The following CHD8 variants were observed in gnomAD, a reference collection of about 807,000 sequenced individuals.
CHD8 encodes ATP-dependent chromatin remodeler CHD8.
Under a neutral mutation model 279.2 loss-of-function variants are expected in CHD8, and 31 were observed. The observed-to-expected ratio is 0.11, with a 90% CI of 0.08 to 0.15. The LOEUF is 0.15. Among genes scored for constraint, CHD8 ranks in the 10% least tolerant of loss-of-function variants. CHD8 has a pLI of 1.00. For synonymous variants in CHD8, 1,081 were observed against 1,139.6 expected (o/e 0.95, Z 1.04); for missense variants, 2,146 against 3,230.5 (o/e 0.66, Z 8.14).
chr14:21,435,864 C>T (rs1450094982), intron 1 of CHD8, among the ~76,000 whole-genome samples: 1 of 152,290 alleles, frequency 6.6e-6, no homozygotes, highest in East Asian at 1.9e-4. Context: ...ACATTCCTGG[C>T]TTGGCAGAGT....
chr14:21,404,741 T>C (rs1236058673), intron 16 of CHD8: 7 of 158,522 alleles, frequency 4.4e-5, no homozygotes. Flanking sequence ...CTTCATGCAA[T>C]TCTAAACAGC....
chr14:21,421,444 C>T (rs1226954446), intron 5 of CHD8, among the ~76,000 whole-genome samples: 1 of 151,752 alleles, frequency 6.6e-6, no homozygotes, highest in African/African-American at 2.4e-5. Context: ...ACTATTTCTC[C>T]ACCAATGGAC....
chr14:21,408,969 AT>A lies in CHD8; in HGVS notation c.2365-145del, dbSNP rs1423242665. ...CAAATATATTTAAATTTATGAGTTC[AT>A]AACGTTACTTTATGGGTCCATAATG... On this transcript the variant is annotated intron_variant, in intron 11 of 37. Coordinates refer to ENST00000646647, the MANE Select transcript of CHD8 (RefSeq NM_001170629.2). This position sits in a 1 kb window ranked among gnomAD's most constrained non-coding sequence, Gnocchi z 4.3. 2.2e-6 allele frequency: 2 copies of A among 898,996 alleles called. No individual in the cohort carries two copies. The highest frequency in any genetic ancestry group is 5.3e-5 in the East Asian group (2 of 37,554). 55.7% of individuals were successfully genotyped at this position (898,996 alleles called of 1,614,324 possible). A position where few individuals can be genotyped will look rare whatever the true frequency, so the allele number is the denominator to read the frequency against.
chr14:21,417,041 A>C (rs111713808), intron 5 of CHD8, among the ~76,000 whole-genome samples: 12 of 152,338 alleles, frequency 7.9e-5, no homozygotes, highest in African/African-American at 2.6e-4. Flanking sequence ...TGGAGGTTGC[A>C]GTGAGCAAAC....
In CHD8 at chr14:21,423,033, C is replaced by T. The variant is rs141876303; in HGVS notation, c.1716+3095G>A. Among the ~76,000 whole-genome samples the T allele has an allele frequency of 5.2e-3, 784 of 152,146 alleles. 2 individuals carry two copies. Among genetic ancestry groups the T allele is most frequent in the Middle Eastern group, 0.017 (5 of 294 alleles). On this transcript the variant is annotated intron_variant, in intron 5 of 37. Coordinates refer to ENST00000646647, the MANE Select transcript of CHD8 (RefSeq NM_001170629.2). ...GGTCAGGAGTTTGAGATCAGCCAGGCCAACATGGCGAAACCCTGTCTACTA... is the reference window on the plus strand; with the variant it reads ...GGTCAGGAGTTTGAGATCAGCCAGGTCAACATGGCGAAACCCTGTCTACTA...
chr14:21,442,329 G>T (rs927895595), intron 1 of CHD8, among the ~76,000 whole-genome samples: 1 of 152,142 alleles, frequency 6.6e-6, no homozygotes, highest in African/African-American at 2.4e-5. Flanking sequence ...AGCCAGGCGT[G>T]TGACACAGGC....
At position 21,385,460 on chromosome 14, in the gene CHD8, A is replaced by G. The variant is rs1022172884; in HGVS notation, c.*153T>C. ...ACCCAATCCTCTCATAATTGGGAGC[A>G]ATCAGGTACATTTTTTTTTTTTTTT... On this transcript the variant is annotated 3_prime_UTR_variant, in exon 38 of 38. Transcript: ENST00000646647. 1.6e-6 allele frequency: 2 copies of G among 1,234,084 alleles called. No individual in the cohort carries two copies. Among genetic ancestry groups the G allele is most frequent in the Admixed American group, 2.9e-5 (1 of 34,074 alleles). The allele number at this position is 1,234,084 out of a possible 1,614,324, so 76.4% of individuals were successfully genotyped here. A position where few individuals can be genotyped will look rare whatever the true frequency, so the allele number is the denominator to read the frequency against.
chr14:21,394,431 C>T lies in CHD8; in HGVS notation c.5445G>A (p.Val1815=), dbSNP rs1460578104. 2 of 1,613,096 alleles carry T rather than the reference C, an allele frequency of 1.2e-6. No individual in the cohort carries two copies. The highest frequency in any genetic ancestry group is 2.2e-5 in the East Asian group (1 of 44,860). Residue 1815 remains valine (V), a synonymous_variant, in exon 31 of 38, where the codon GTG becomes GTA. Coordinates refer to ENST00000646647, the MANE Select transcript of CHD8 (RefSeq NM_001170629.2). ...ACTGCATGGTGTCAGGGTCATATTC[C>T]ACACCAAACGTAGACACCACTCGAT... ...DFYRVVSTFG[V]EYDPDTMQFH...
At chr14:21,424,466 C>CTTTTG (rs1401200589) in intron 5 of CHD8, among the ~76,000 whole-genome samples, 1 of 151,338 alleles carries the variant, frequency 6.6e-6, no homozygotes, top group Non-Finnish European at 1.5e-5. Flanking sequence ...CTCGACTATT[C>CTTTTG]TTTTGTTTTG....
intron 34 of CHD8, chr14:21,392,225 C>T (rs771318761): frequency 1.3e-5 from 10 of 753,784 alleles, no homozygotes; most frequent in Admixed American, 1.7e-5. Context: ...CTGGTGTCTC[C>T]GTATTAGCAT....
At chr14:21,439,858 C>T (rs1443909506) in intron 1 of CHD8, among the ~76,000 whole-genome samples, 1 of 152,202 alleles carries the variant, frequency 6.6e-6, no homozygotes, top group Non-Finnish European at 1.5e-5. Flanking sequence ...ATATTGCTGC[C>T]TTCAAATTAT....
chr14:21,402,609 C>T lies in CHD8; in HGVS notation c.3715-106G>A, dbSNP rs1888086845. ...GATTCTTTCACCTCTATAGAGCAGC[C>T]ATGAGATCAACTCAAAACCAAGAGT... On this transcript the variant is annotated intron_variant, in intron 18 of 37. Transcript: ENST00000646647. This position sits in a 1 kb window ranked among gnomAD's most constrained non-coding sequence, Gnocchi z 4.5. 5.5e-6 allele frequency: 6 copies of T among 1,097,420 alleles called. No homozygotes were observed. Among genetic ancestry groups the T allele is most frequent in the Non-Finnish European group, 6.4e-6 (5 of 786,750 alleles). The allele number at this position is 1,097,420 out of a possible 1,614,324, so 68.0% of individuals were successfully genotyped here. A position where few individuals can be genotyped will look rare whatever the true frequency, so the allele number is the denominator to read the frequency against.
In CHD8 at chr14:21,431,959, A is replaced by G. The variant is rs564717314; in HGVS notation, c.-215-101T>C. On this transcript the variant is annotated intron_variant, in intron 1 of 37. Transcript: ENST00000646647. Reference sequence around the variant, plus strand: ...ACTGTTCTTAATATCAAATAGCATGAATATAAGAGGGAAATGTGAGGAAAT... The same window carrying G: ...ACTGTTCTTAATATCAAATAGCATGGATATAAGAGGGAAATGTGAGGAAAT... 28 of 718,780 alleles carry G rather than the reference A, an allele frequency of 3.9e-5. No individual in the cohort carries two copies. In the African/African-American group the frequency reaches 4.4e-4, roughly 11 times the overall value. 44.5% of individuals were successfully genotyped at this position (718,780 alleles called of 1,614,324 possible). A position where few individuals can be genotyped will look rare whatever the true frequency, so the allele number is the denominator to read the frequency against.
intron 1 of CHD8, among the ~76,000 whole-genome samples, chr14:21,441,358 A>G (rs1889955613): frequency 6.6e-6 from 1 of 152,120 alleles, no homozygotes; most frequent in South Asian, 2.1e-4. Context: ...TGCTTAAGTT[A>G]CCCAAAAGAT....
chr14:21,403,719 A>G lies in CHD8; in HGVS notation c.3308-56T>C. ...ATCCAGTGAACCATATTAAGGTTGT[A>G]GTCTATTTAACTAAGAAAGCAAAAG... is the stretch of plus-strand genomic sequence containing the variant. On this transcript the variant is annotated intron_variant, in intron 16 of 37. Coordinates refer to ENST00000646647, the MANE Select transcript of CHD8 (RefSeq NM_001170629.2). This position sits in a 1 kb window ranked among gnomAD's most constrained non-coding sequence, Gnocchi z 4.3. The G allele has an allele frequency of 7.1e-7, 1 of 1,399,038 alleles. No individual in the cohort carries two copies. The highest frequency in any genetic ancestry group is 2.5e-5 in the East Asian group (1 of 40,156). The allele number at this position is 1,399,038 out of a possible 1,614,324, so 86.7% of individuals were successfully genotyped here. A position where few individuals can be genotyped will look rare whatever the true frequency, so the allele number is the denominator to read the frequency against.
At chr14:21,398,142 AAG>A in intron 26 of CHD8, 190 bp from the exon 27 acceptor site, 2 of 439,124 alleles carry the variant, frequency 4.6e-6, no homozygotes, top group Non-Finnish European at 7.7e-6. Context: ...TAGAATCATG[AAG>A]AGTTTTTAAC....
chr14:21,455,234 T>C (rs1286453013), intron 1 of CHD8: 3 of 152,216 alleles, frequency 2.0e-5, no homozygotes, highest in Non-Finnish European at 4.4e-5. Flanking sequence ...ATATACCTTT[T>C]CTGTGAAGAC....
chr14:21,427,807 G>C, intron 4 of CHD8, 62 bp downstream of exon 4: 1 of 1,567,466 alleles, frequency 6.4e-7, no homozygotes, highest in Non-Finnish European at 8.6e-7. Flanking sequence ...CATCCCAATA[G>C]CAAGGAGTAC....
At chr14:21,411,854 G>C (rs747789718) in intron 10 of CHD8, among the ~76,000 whole-genome samples, 1 of 152,120 alleles carries the variant, frequency 6.6e-6, no homozygotes, top group Non-Finnish European at 1.5e-5. Flanking sequence ...CTTGAGGTCA[G>C]GAGTTCGAGA....
Sources: allele counts gnomAD v4.1 joint callset (sites outside exome capture counted in the v4.1 genomes callset), GRCh38; gene constraint gnomAD v4.1.1; non-coding constraint Gnocchi (gnomAD v3.1); transcripts MANE v1.5; gene names NCBI Gene and HGNC (gene_info 2026-07-23, HGNC 2026-07-21).